ADGRB3: variants seen among roughly 807,000 people sequenced by gnomAD.
The protein encoded by ADGRB3 is adhesion G protein-coupled receptor B3, also known as brain-specific angiogenesis inhibitor 3.
ADGRB3 carries 37 observed loss-of-function variants against 193.4 expected under a neutral mutation model. The observed-to-expected ratio is 0.19, with a 90% CI of 0.15 to 0.25. ADGRB3 has a LOEUF of 0.25. Among genes scored for constraint, ADGRB3 ranks in the 10% least tolerant of loss-of-function variants. ADGRB3 has a pLI of 1.00. For synonymous variants in ADGRB3, 690 were observed against 644.2 expected, an observed-to-expected ratio of 1.07 and a Z score of -1.08; for missense variants, 1,637 against 1,852.9, an observed-to-expected ratio of 0.88 and a Z score of 2.14.
chr6:68,672,112 T>G (rs889635304), intron 3 of ADGRB3, among the ~76,000 whole-genome samples: 2 of 152,048 alleles, frequency 1.3e-5, no homozygotes, highest in Non-Finnish European at 2.9e-5. Flanking sequence ...TTATAATGTC[T>G]TTTTTCATCT....
At chr6:69,244,106 T>C (rs1766439842) in intron 20 of ADGRB3, among the ~76,000 whole-genome samples, 1 of 152,032 alleles carries the variant, frequency 6.6e-6, no homozygotes, top group South Asian at 2.1e-4. Context: ...CTCATGGTTC[T>C]TTATGTGTGG....
At chr6:69,285,065 GCTTTAGAATATATCGGTTCCTA>G (rs1381062737) in intron 20 of ADGRB3, among the ~76,000 whole-genome samples, 1 of 152,192 alleles carries the variant, frequency 6.6e-6, no homozygotes, top group Non-Finnish European at 1.5e-5. Flanking sequence ...CTCAAAGAAT[GCTTTAGAATATATCGGTTCCTA>G]CTTCAGGTTT....
At chr6:69,323,567 C>T (rs1415361989) in intron 20 of ADGRB3, among the ~76,000 whole-genome samples, 1 of 151,870 alleles carries the variant, frequency 6.6e-6, no homozygotes, top group Non-Finnish European at 1.5e-5. Flanking sequence ...CTACATGAAA[C>T]AAAGATTCAC....
chr6:69,388,898 C>A lies in ADGRB3; in HGVS notation c.*7C>A, dbSNP rs1230924210. On this transcript the variant is annotated 3_prime_UTR_variant, in exon 32 of 32. Transcript: ENST00000370598. ...CTTTCAAACAGAAGTTTAAAAAAAT[C>A]AAAATGGACTAAGGTAGAGACAAAA... The A allele has an allele frequency of 2.5e-6, 4 of 1,608,370 alleles. No individual in the cohort carries two copies. The Admixed American group carries it at 6.8e-5, about 27-fold the overall frequency.
At position 68,956,510 on chromosome 6, in the gene ADGRB3, T is replaced by A; in HGVS notation, c.1361-135T>A. The A allele has an allele frequency of 5.0e-6, 6 of 1,200,240 alleles. No homozygotes were observed. In the South Asian group the frequency reaches 9.1e-5, roughly 18 times the overall value. The allele number at this position is 1,200,240 out of a possible 1,614,324, so 74.3% of individuals were successfully genotyped here. ...CAATGCTCTATATTTGACCTGTAAGTTAAATATTTGAATAAGGTTTATTCA... is the reference window on the plus strand; with the variant it reads ...CAATGCTCTATATTTGACCTGTAAGATAAATATTTGAATAAGGTTTATTCA... On this transcript the variant is annotated intron_variant, in intron 7 of 31. Coordinates refer to ENST00000370598, the MANE Select transcript of ADGRB3 (RefSeq NM_001704.3).
intron 17 of ADGRB3, among the ~76,000 whole-genome samples, chr6:69,218,243 C>T (rs868420334): frequency 1.3e-5 from 2 of 151,984 alleles, no homozygotes; most frequent in Non-Finnish European, 2.9e-5. Context: ...ATTCTGGTAC[C>T]AAAAGGAGCT....
intron 10 of ADGRB3, among the ~76,000 whole-genome samples, chr6:68,984,665 A>G (rs550383376): frequency 6.6e-6 from 1 of 152,166 alleles, no homozygotes; most frequent in African/African-American, 2.4e-5. Flanking sequence ...TAACATTTTT[A>G]TATGTTAAAA....
At chr6:69,228,348 A>G (rs1766062691) in intron 17 of ADGRB3, among the ~76,000 whole-genome samples, 1 of 152,224 alleles carries the variant, frequency 6.6e-6, no homozygotes, top group African/African-American at 2.4e-5. Flanking sequence ...AGTCGACATA[A>G]TATAGTTCTC....
At chr6:69,348,419 G>T (rs1194294555) in intron 26 of ADGRB3, among the ~76,000 whole-genome samples, 3 of 151,554 alleles carry the variant, frequency 2.0e-5, no homozygotes, top group African/African-American at 7.3e-5. Context: ...GGCTGAGGCG[G>T]GTGGATCACC....
chr6:68,903,548 G>A (rs1272946252), intron 3 of ADGRB3, among the ~76,000 whole-genome samples: 1 of 151,974 alleles, frequency 6.6e-6, no homozygotes. Context: ...GCTTATACTT[G>A]CAACTGAATT....
At position 68,635,483 on chromosome 6, in the gene ADGRB3, T is replaced by G. The variant is rs1430658623; in HGVS notation, c.-705T>G. 6.6e-6 allele frequency: 1 copy of G among 152,022 alleles called. No homozygotes were observed. The highest frequency in any genetic ancestry group is 2.4e-5 in the African/African-American group (1 of 41,302). The allele number at this position is 152,022 out of a possible 1,614,324, so 9.4% of individuals were successfully genotyped here. A position where few individuals can be genotyped will look rare whatever the true frequency, so the allele number is the denominator to read the frequency against. ...AGGAAAGCGGAAAGAGGAAAAAGCA[T>G]AAGCTTGAGCCTTCCGATCCGACCA... On this transcript the variant is annotated 5_prime_UTR_variant, in exon 1 of 32. Transcript: ENST00000370598.
Position 69,172,471 on chromosome 6 carries a change from G to A in ADGRB3, c.2481-60819G>A, listed in dbSNP as rs1462190446. On this transcript the variant is annotated intron_variant, in intron 17 of 31. Coordinates refer to ENST00000370598, the MANE Select transcript of ADGRB3 (RefSeq NM_001704.3). ...ATACTGGCTAACACGGTGAAACCCC[G>A]TCTCTACTAAAAATAAAAAAAAATT... Among the ~76,000 whole-genome samples the A allele has an allele frequency of 1.3e-4, 19 of 151,174 alleles. 1 individual carries two copies. The highest frequency in any genetic ancestry group is 6.3e-4 in the South Asian group (3 of 4,760).
Position 69,345,865 on chromosome 6 carries a change from C to T in ADGRB3, c.3459+6361C>T, listed in dbSNP as rs552017116. On this transcript the variant is annotated intron_variant, in intron 26 of 31. Coordinates refer to ENST00000370598, the MANE Select transcript of ADGRB3 (RefSeq NM_001704.3). Reference sequence around the variant, plus strand: ...GCATATTTAGAAAACCCTGCAGTCTCAGCCCCAAACCTTCTTCAGCTGATA... The same window carrying T: ...GCATATTTAGAAAACCCTGCAGTCTTAGCCCCAAACCTTCTTCAGCTGATA... Among the ~76,000 whole-genome samples, 20 of 152,298 alleles carry T rather than the reference C, an allele frequency of 1.3e-4. No individual in the cohort carries two copies. In the South Asian group the frequency reaches 3.1e-3, roughly 24 times the overall value.
At chr6:68,677,323 A>G (rs1286475650) in intron 3 of ADGRB3, among the ~76,000 whole-genome samples, 2 of 152,074 alleles carry the variant, frequency 1.3e-5, no homozygotes, top group Non-Finnish European at 2.9e-5. Context: ...CAAATCTTTG[A>G]TAACTTAGTT....
chr6:68,763,502 A>G (rs1462392296), intron 3 of ADGRB3, among the ~76,000 whole-genome samples: 1 of 152,182 alleles, frequency 6.6e-6, no homozygotes, highest in Non-Finnish European at 1.5e-5. Flanking sequence ...TTCCCCTATT[A>G]CAAATAAGTT....
chr6:69,017,315 C>T (rs953528678), intron 12 of ADGRB3, among the ~76,000 whole-genome samples: 13 of 151,790 alleles, frequency 8.6e-5, no homozygotes, highest in African/African-American at 2.4e-4. Context: ...CTAGTCTTTG[C>T]GATTACAAAG....
intron 10 of ADGRB3, among the ~76,000 whole-genome samples, chr6:68,985,182 G>A (rs941821974): frequency 6.6e-5 from 10 of 152,122 alleles, no homozygotes; most frequent in Non-Finnish European, 1.5e-4. Flanking sequence ...ATTTGTTAAA[G>A]CCTTGCTATT....
At chr6:68,637,964 T>C (rs1487078034) in intron 2 of ADGRB3, among the ~76,000 whole-genome samples, 4 of 152,266 alleles carry the variant, frequency 2.6e-5, no homozygotes. Context: ...TTTATCCATC[T>C]ATGCCCTTTC....
intron 17 of ADGRB3, among the ~76,000 whole-genome samples, chr6:69,076,447 A>G (rs898902139): frequency 6.6e-6 from 1 of 152,100 alleles, no homozygotes; most frequent in Non-Finnish European, 1.5e-5. Flanking sequence ...ATCTATTATC[A>G]GAGTAATGCA....
Sources: allele counts gnomAD v4.1 joint callset (sites outside exome capture counted in the v4.1 genomes callset), GRCh38; gene constraint gnomAD v4.1.1; transcripts MANE v1.5; gene names NCBI Gene and HGNC (gene_info 2026-07-23, HGNC 2026-07-21).